The following TGM1 variants were observed in gnomAD, a reference collection of about 807,000 sequenced individuals.
The protein encoded by TGM1 is transglutaminase 1.
In TGM1, 63 loss-of-function variants were observed where a neutral mutation model predicts 88.7. The ratio of observed to expected loss-of-function variants is 0.71; its 90% CI spans 0.58 to 0.88. The LOEUF is 0.88. TGM1 is among the 40% of genes least tolerant of loss of function. The pLI is 0.00. For synonymous variants in TGM1, 415 were observed against 431.1 expected (o/e 0.96, Z 0.46); for missense variants, 996 against 1,118.0 (o/e 0.89, Z 1.56).
chr14:24,259,172 C>G lies in TGM1; in HGVS notation c.1062G>C (p.Ala354=), dbSNP rs758437844. 1.2e-6 allele frequency: 2 copies of G among 1,614,114 alleles called. No individual in the cohort carries two copies. Among genetic ancestry groups the G allele is most frequent in the South Asian group, 2.2e-5 (2 of 91,080 alleles). The change falls in exon 7 of 15, where the codon GCG becomes GCC. Residue 354 remains alanine, a synonymous_variant. Transcript: ENST00000206765. This position sits in a 1 kb window ranked among gnomAD's most constrained non-coding sequence, Gnocchi z 5.7. ...GCAGGATCTCCACGCTGCCCACCCA[C>G]GCTGATGGGTTGGTGCCTCGGGAGT... ...GDYSRGTNPS[A]WVGSVEILLS... is the part of the protein sequence containing the mutation.
rs1237470621 is a variant in TGM1, at chr14:24,259,433, G to A, written c.985-184C>T. On this transcript the variant is annotated intron_variant, in intron 6 of 14. Coordinates refer to ENST00000206765, the MANE Select transcript of TGM1 (RefSeq NM_000359.3). This position sits in a 1 kb window ranked among gnomAD's most constrained non-coding sequence, Gnocchi z 5.7. ...TCAGCCATCTGCCCCCCTCCCACCC[G>A]GGCTCTGACACAGGAATGTGAATCC... is the stretch of plus-strand genomic sequence containing the variant. 2.0e-5 allele frequency among the ~76,000 whole-genome samples: 3 copies of A among 152,156 alleles called. No individual in the cohort carries two copies. Among genetic ancestry groups the A allele is most frequent in the East Asian group, 1.9e-4 (1 of 5,196 alleles).
In TGM1 at chr14:24,255,537, G is replaced by A. The variant is rs1310633361; in HGVS notation, c.1492-20C>T. ...ATTCACCTGTGGGGGGTGGGGGTGA[G>A]CAGGAATGAGTGAGCCAGAGGGTCT... On this transcript the variant is annotated intron_variant, in intron 10 of 14. Coordinates refer to ENST00000206765, the MANE Select transcript of TGM1 (RefSeq NM_000359.3). The surrounding 1 kb of genome is among the most constrained non-coding windows in gnomAD (Gnocchi z 4.0). 5 of 1,612,432 alleles carry A rather than the reference G, an allele frequency of 3.1e-6. No homozygotes were observed. The highest frequency in any genetic ancestry group is 1.3e-5 in the African/African-American group (1 of 74,996).
chr14:24,258,994 C>T, intron 7 of TGM1, 81 bp downstream of exon 7: 1 of 1,546,532 alleles, frequency 6.5e-7, no homozygotes, highest in East Asian at 2.3e-5. Flanking sequence ...GTAGCCACAT[C>T]TGGGCAGGGC....
At chr14:24,261,029 C>A (rs1466743422) in intron 3 of TGM1, among the ~76,000 whole-genome samples, 1 of 152,180 alleles carries the variant, frequency 6.6e-6, no homozygotes, top group Non-Finnish European at 1.5e-5. Flanking sequence ...ATCCACCTGC[C>A]CCGTATGAAA....
At chr14:24,258,960 C>G (rs750879031) in intron 7 of TGM1, 115 bp downstream of exon 7, 4 of 1,250,318 alleles carry the variant, frequency 3.2e-6, no homozygotes, top group Non-Finnish European at 4.6e-6. Flanking sequence ...AGCCTATTAC[C>G]CACCCCCGCC....
intron 14 of TGM1, 72 bp downstream of exon 14, chr14:24,254,075 GAGCAA>G: frequency 6.4e-7 from 1 of 1,551,386 alleles, no homozygotes; most frequent in Non-Finnish European, 8.7e-7. Context: ...GACAGAGAGG[GAGCAA>G]AGCTGGGAGC....
At chr14:24,249,599 G>A (rs929260933) in intron 14 of TGM1, 58 bp from the exon 15 acceptor site, 1 of 1,474,894 alleles carries the variant, frequency 6.8e-7, no homozygotes, top group Non-Finnish European at 9.4e-7. Context: ...TGGGGAGTAA[G>A]AGCTGATCCA....
chr14:24,260,705 T>A lies in TGM1; in HGVS notation c.509-7A>T. ...CCCACCTCGGGGTTGTTTCCTAGAG[T>A]AGGAAATCAGCAATTAGCTGGCAAG... On this transcript the variant is annotated splice_polypyrimidine_tract_variant and splice_region_variant and intron_variant, in intron 3 of 14. Coordinates refer to ENST00000206765, the MANE Select transcript of TGM1 (RefSeq NM_000359.3). 6.2e-7 allele frequency: 1 copy of A among 1,613,592 alleles called. No homozygotes were observed. The highest frequency in any genetic ancestry group is 8.5e-7 in the Non-Finnish European group (1 of 1,179,940).
intron 13 of TGM1, 149 bp downstream of exon 13, chr14:24,254,515 G>A: frequency 2.3e-6 from 3 of 1,313,996 alleles, no homozygotes; most frequent in Non-Finnish European, 3.2e-6. Flanking sequence ...TACAGATGAG[G>A]AAACTGAGGC....
chr14:24,256,095 A>T lies in TGM1; in HGVS notation c.1403-18T>A. On this transcript the variant is annotated intron_variant, in intron 9 of 14. Transcript: ENST00000206765. The stretch of plus-strand genomic sequence containing the variant: ...GAAGATGCCTAGAGAGTGAGGCGGG[A>T]CAGAGGCAAGAGATCTGAGAAGGCG... The T allele has an allele frequency of 6.5e-7, 1 of 1,549,884 alleles. No individual in the cohort carries two copies.
intron 14 of TGM1, 42 bp downstream of exon 14, chr14:24,254,110 G>A: frequency 1.9e-6 from 3 of 1,589,892 alleles, no homozygotes; most frequent in Non-Finnish European, 8.6e-7. Flanking sequence ...CTGTGGGGAA[G>A]GCCAGAGTGG....
chr14:24,249,681 C>T, intron 14 of TGM1, 140 bp from the exon 15 acceptor site: 1 of 819,876 alleles, frequency 1.2e-6, no homozygotes, highest in East Asian at 2.7e-5. Flanking sequence ...ATTTCCACAC[C>T]CAAGACCAGG....
chr14:24,259,287 A>G lies in TGM1; in HGVS notation c.985-38T>C, dbSNP rs754338782. 130 of 1,581,442 alleles carry G rather than the reference A, an allele frequency of 8.2e-5. No homozygotes were observed. Among genetic ancestry groups the G allele is most frequent in the Non-Finnish European group, 1.1e-4 (123 of 1,162,404 alleles). Reference sequence around the variant, plus strand: ...GGATGAGATAGGGCGGAGGTGGAGGAGGGGCTCAGGACCTGCCATGTGGTC... The same window carrying G: ...GGATGAGATAGGGCGGAGGTGGAGGGGGGGCTCAGGACCTGCCATGTGGTC... On this transcript the variant is annotated intron_variant, in intron 6 of 14. Coordinates refer to ENST00000206765, the MANE Select transcript of TGM1 (RefSeq NM_000359.3). This position sits in a 1 kb window ranked among gnomAD's most constrained non-coding sequence, Gnocchi z 5.7.
At chr14:24,262,464 C>G in intron 1 of TGM1, 110 bp from the exon 2 acceptor site, 2 of 1,159,730 alleles carry the variant, frequency 1.7e-6, no homozygotes, top group Non-Finnish European at 2.5e-6. Context: ...CCGAAACAAT[C>G]CCACCTTGGC....
Position 24,260,633 on chromosome 14 carries a change from C to G in TGM1, c.574G>C (p.Gly192Arg), listed in dbSNP as rs765874994. The change falls in exon 4 of 15, where the codon GGC becomes CGC. Residue 192 changes from glycine (G) to arginine (R), a missense_variant. Gly to Arg is a moderately radical substitution (Grantham distance 125). Coordinates refer to ENST00000206765, the MANE Select transcript of TGM1 (RefSeq NM_000359.3). ...IIPVGKGGSG[G>R]WKAQVVKASG... is the part of the protein sequence containing the mutation. The stretch of plus-strand genomic sequence containing the variant: ...GCCTTGACCACCTGGGCTTTCCAGC[C>G]TCCACTGCCCCCCTTGCCCACTGGG... The G allele has an allele frequency of 1.9e-6, 3 of 1,614,080 alleles. No individual in the cohort carries two copies. Among genetic ancestry groups the G allele is most frequent in the South Asian group, 2.2e-5 (2 of 91,092 alleles).
rs756907283 is a variant in TGM1 at position 24,258,581 on chromosome 14, C to T, written c.1252G>A (p.Asp418Asn). 10 of 1,614,024 alleles carry T rather than the reference C, an allele frequency of 6.2e-6. No homozygotes were observed. The highest frequency in any genetic ancestry group is 2.2e-5 in the East Asian group (1 of 44,898). ...DTSLTMDIYF[D>N]ENMKPLEHLN... ...TGCTCCAGGGGCTTCATGTTCTCGT[C>T]GAAGTAGATGTCCATGGTAAGGGAT... Residue 418 changes from aspartate to asparagine, a missense_variant, in exon 8 of 15, where the codon GAC (aspartate) becomes AAC (asparagine). By Grantham distance (23) the Asp-to-Asn change is conservative (BLOSUM62 1). Coordinates refer to ENST00000206765, the MANE Select transcript of TGM1 (RefSeq NM_000359.3).
In TGM1 at chr14:24,255,532, G is replaced by A; in HGVS notation, c.1492-15C>T. 1.9e-6 allele frequency: 3 copies of A among 1,612,678 alleles called. No homozygotes were observed. The highest frequency in any genetic ancestry group is 2.5e-6 in the Non-Finnish European group (3 of 1,180,016). ...TCACTATTCACCTGTGGGGGGTGGG[G>A]GTGAGCAGGAATGAGTGAGCCAGAG... On this transcript the variant is annotated splice_polypyrimidine_tract_variant and intron_variant, in intron 10 of 14. Coordinates refer to ENST00000206765, the MANE Select transcript of TGM1 (RefSeq NM_000359.3). The surrounding 1 kb of genome is among the most constrained non-coding windows in gnomAD (Gnocchi z 4.0).
intron 12 of TGM1, 29 bp from the exon 13 acceptor site, chr14:24,254,853 G>A (rs1199543256): frequency 1.2e-6 from 2 of 1,613,372 alleles, no homozygotes; most frequent in East Asian, 4.5e-5. Context: ...GCGTCACTGA[G>A]GCCTGCTTCC....
At chr14:24,257,306 T>C (rs1460768498) in intron 9 of TGM1, among the ~76,000 whole-genome samples, 3 of 152,132 alleles carry the variant, frequency 2.0e-5, no homozygotes, top group Non-Finnish European at 4.4e-5. Context: ...AGGGCAGGCC[T>C]GGTGGCCTGG....
Sources: allele counts gnomAD v4.1 joint callset (sites outside exome capture counted in the v4.1 genomes callset), GRCh38; gene constraint gnomAD v4.1.1; non-coding constraint Gnocchi (gnomAD v3.1); transcripts MANE v1.5; gene names NCBI Gene and HGNC (gene_info 2026-07-23, HGNC 2026-07-21).